ARB2A: variants seen among roughly 807,000 people sequenced by gnomAD.
ARB2A encodes the protein cotranscriptional regulator ARB2A.
the ARB2A span, chr5:93,964,540 TAAC>T: frequency 1.9e-6 from 3 of 1,538,632 alleles, no homozygotes; most frequent in Non-Finnish European, 2.6e-6. Flanking sequence ...AGGAAAGAAA[TAAC>T]ACATTAAGAT....
the ARB2A span, among the ~76,000 whole-genome samples, chr5:94,090,154 T>C: frequency 6.6e-5 from 10 of 152,326 alleles, no homozygotes; most frequent in African/African-American, 2.2e-4. Flanking sequence ...TTCCTATCTA[T>C]GAGCATGGAA....
chr5:93,749,795 A>T, the ARB2A span, among the ~76,000 whole-genome samples: 2 of 152,214 alleles, frequency 1.3e-5, no homozygotes, highest in African/African-American at 4.8e-5. Context: ...TTCATGAAGT[A>T]TGGAAGGAAG....
chr5:93,926,593 C>T, the ARB2A span, among the ~76,000 whole-genome samples: 1 of 151,698 alleles, frequency 6.6e-6, no homozygotes, highest in Non-Finnish European at 1.5e-5. Flanking sequence ...TCTTTTTCTG[C>T]AAAATTCACC....
chr5:93,745,002 A>G, the ARB2A span, among the ~76,000 whole-genome samples: 6 of 152,348 alleles, frequency 3.9e-5, no homozygotes, highest in African/African-American at 1.4e-4. Context: ...GAAGTTTTCT[A>G]TTATTATGAT....
the ARB2A span, among the ~76,000 whole-genome samples, chr5:93,966,825 T>A: frequency 6.6e-6 from 1 of 152,088 alleles, no homozygotes; most frequent in Non-Finnish European, 1.5e-5. Context: ...TTGTCTAACA[T>A]ACTACTCGAA....
the ARB2A span, among the ~76,000 whole-genome samples, chr5:93,875,239 T>C: frequency 6.8e-6 from 1 of 146,572 alleles, no homozygotes; most frequent in African/African-American, 2.5e-5. Flanking sequence ...ATCGGACTGC[T>C]TTTTTTTTTT....
chr5:93,995,291 G>C, the ARB2A span, among the ~76,000 whole-genome samples: 1 of 152,156 alleles, frequency 6.6e-6, no homozygotes, highest in Non-Finnish European at 1.5e-5. Flanking sequence ...AGTAAACTTC[G>C]TATCACAGTA....
the ARB2A span, among the ~76,000 whole-genome samples, chr5:94,067,141 C>A: frequency 2.0e-5 from 3 of 152,140 alleles, no homozygotes; most frequent in Non-Finnish European, 4.4e-5. Context: ...ATTCAACAAC[C>A]TCCCTGATAA....
the ARB2A span, chr5:93,738,967 C>A: frequency 6.6e-6 from 1 of 151,998 alleles, no homozygotes; most frequent in Non-Finnish European, 1.5e-5. Flanking sequence ...CAAAAATAGG[C>A]AAAGGTAAAG....
At chr5:93,728,877 G>T in the ARB2A span, among the ~76,000 whole-genome samples, 3 of 152,028 alleles carry the variant, frequency 2.0e-5, no homozygotes, top group African/African-American at 4.8e-5. Flanking sequence ...ATGTCTTTTT[G>T]AAAGACTGAT....
chr5:93,656,279 TA>T, the ARB2A span, among the ~76,000 whole-genome samples: 6 of 152,276 alleles, frequency 3.9e-5, no homozygotes, highest in Admixed American at 3.9e-4. Flanking sequence ...TAAATGCTTT[TA>T]AAAAAATGTA....
At chr5:93,974,651 T>C in the ARB2A span, among the ~76,000 whole-genome samples, 19 of 152,180 alleles carry the variant, frequency 1.2e-4, no homozygotes, top group African/African-American at 4.6e-4. Context: ...ATATATATTA[T>C]TCTCATCTGC....
chr5:93,849,548 C>T, the ARB2A span, among the ~76,000 whole-genome samples: 1 of 151,920 alleles, frequency 6.6e-6, no homozygotes, highest in African/African-American at 2.4e-5. Flanking sequence ...CAATCAGTTA[C>T]CAATAATTAT....
the ARB2A span, among the ~76,000 whole-genome samples, chr5:93,666,716 C>T: frequency 1.1e-4 from 16 of 152,100 alleles, no homozygotes; most frequent in Admixed American, 3.3e-4. Context: ...GTGCAAGTCA[C>T]GTTCCATCTG....
chr5:93,765,614 T>C, the ARB2A span, among the ~76,000 whole-genome samples: 1 of 152,124 alleles, frequency 6.6e-6, no homozygotes, highest in Admixed American at 6.5e-5. Flanking sequence ...AAAATGGCCA[T>C]ACAGCCCAAG....
At chr5:93,961,689 G>GA in the ARB2A span, among the ~76,000 whole-genome samples, 2 of 150,894 alleles carry the variant, frequency 1.3e-5, no homozygotes, top group Non-Finnish European at 3.0e-5. Context: ...TCTCAAAAAA[G>GA]AAAAAAGAGG....
chr5:93,976,690 A>T, the ARB2A span, among the ~76,000 whole-genome samples: 1 of 152,126 alleles, frequency 6.6e-6, no homozygotes, highest in Non-Finnish European at 1.5e-5. Flanking sequence ...TTCTGCTATG[A>T]TTGTAAATTT....
At chr5:93,701,816 T>C in the ARB2A span, among the ~76,000 whole-genome samples, 2 of 152,200 alleles carry the variant, frequency 1.3e-5, no homozygotes, top group Admixed American at 6.5e-5. Context: ...ATTTGCTATT[T>C]TACTGGCTTA....
chr5:93,793,845 T>C, the ARB2A span, among the ~76,000 whole-genome samples: 2 of 152,158 alleles, frequency 1.3e-5, no homozygotes, highest in Admixed American at 6.5e-5. Context: ...CATTACAGAC[T>C]TGCATAACCC....
Sources: gnomAD v4.1 joint callset for allele counts (sites outside exome capture counted in the v4.1 genomes callset) on GRCh38, gnomAD v4.1.1 for gene constraint, MANE v1.5 for transcripts, NCBI Gene and HGNC (gene_info 2026-07-23, HGNC 2026-07-21) for gene names.